Variants in CCDC91 observed in about 807,000 individuals in gnomAD.
CCDC91 encodes the protein coiled-coil domain containing 91.
In CCDC91, 48 loss-of-function variants were observed where a neutral mutation model predicts 63.2. The ratio of observed to expected loss-of-function variants is 0.76; its 90% confidence interval spans 0.60 to 0.97. The LOEUF (loss-of-function observed/expected upper bound fraction) is 0.97, where lower values mean the gene tolerates loss of function less well. Among genes scored for constraint, CCDC91 ranks in the 50% least tolerant of loss-of-function variants. The pLI is 0.00. For synonymous variants in CCDC91, 167 were observed against 165.8 expected (o/e 1.01, Z -0.06); for missense variants, 500 against 494.6 (o/e 1.01, Z -0.10).
chr12:28,204,118 A>G (rs73261702), intron 1 of CCDC91, among the ~76,000 whole-genome samples: 39,690 of 152,002 alleles, frequency 0.26, 5,451 homozygotes, highest in Non-Finnish European at 0.31. Context: ...TTATCAAGCT[A>G]TGGTACCTGG....
chr12:28,300,800 A>C (rs1003664942), intron 3 of CCDC91, among the ~76,000 whole-genome samples: 1 of 151,456 alleles, frequency 6.6e-6, no homozygotes, highest in Non-Finnish European at 1.5e-5. Flanking sequence ...GAGTGTTTTA[A>C]AGTTTTCCTC....
intron 1 of CCDC91, among the ~76,000 whole-genome samples, chr12:28,195,130 A>G (rs1194004637): frequency 4.6e-5 from 4 of 86,714 alleles, no homozygotes; most frequent in South Asian, 3.0e-4. Context: ...TGATTGGTCC[A>G]TTTTACAGAG....
chr12:28,353,662 C>G (rs1442423525), intron 6 of CCDC91, among the ~76,000 whole-genome samples: 2 of 152,142 alleles, frequency 1.3e-5, no homozygotes, highest in South Asian at 2.1e-4. Context: ...GAAACACATA[C>G]AACATTTATT....
chr12:28,261,185 T>C (rs913307003), intron 3 of CCDC91, among the ~76,000 whole-genome samples: 5 of 151,932 alleles, frequency 3.3e-5, no homozygotes, highest in African/African-American at 9.7e-5. Context: ...ATTTGAGACT[T>C]GGATTTGGAC....
Position 28,482,093 on chromosome 12 carries a change from T to G in CCDC91, c.1102-1959T>G, listed in dbSNP as rs536975615. On this transcript the variant is annotated intron_variant, in intron 11 of 12. Transcript: ENST00000536442. The stretch of plus-strand genomic sequence containing the variant: ...CTGACTTGAACTAATGTGAAGCTAT[T>G]TATACTTTTAATTGACTCATATAAT... 1.7e-4 allele frequency among the ~76,000 whole-genome samples: 26 copies of G among 152,116 alleles called. No individual in the cohort carries two copies. In the South Asian group the frequency reaches 2.5e-3, roughly 15 times the overall value.
chr12:28,528,187 C>T (rs1941437717), intron 12 of CCDC91, among the ~76,000 whole-genome samples: 1 of 152,000 alleles, frequency 6.6e-6, no homozygotes, highest in African/African-American at 2.4e-5. Context: ...GGTTTTTTTC[C>T]CAGTGCCTCT....
At chr12:28,387,418 G>A (rs1267293742) in intron 7 of CCDC91, among the ~76,000 whole-genome samples, 1 of 152,134 alleles carries the variant, frequency 6.6e-6, no homozygotes, top group East Asian at 1.9e-4. Context: ...GGATTTTGGG[G>A]AAACAAGTGG....
At chr12:28,207,572 T>TTGAAAA (rs1942945160) in intron 1 of CCDC91, among the ~76,000 whole-genome samples, 1 of 152,182 alleles carries the variant, frequency 6.6e-6, no homozygotes, top group Non-Finnish European at 1.5e-5. Context: ...AAAACATGCA[T>TTGAAAA]TGAAAATGAC....
intron 1 of CCDC91, among the ~76,000 whole-genome samples, chr12:28,213,227 T>C (rs755125845): frequency 1.8e-4 from 28 of 152,198 alleles, no homozygotes; most frequent in Admixed American, 5.9e-4. Context: ...CCTGAGGAAG[T>C]TGGCATGCAA....
intron 6 of CCDC91, among the ~76,000 whole-genome samples, chr12:28,361,204 A>T (rs1408646668): frequency 6.6e-6 from 1 of 151,364 alleles, no homozygotes; most frequent in Non-Finnish European, 1.5e-5. Context: ...ATTATACTTT[A>T]AGTTTTAGGG....
chr12:28,416,588 C>T (rs1947677331), intron 8 of CCDC91, among the ~76,000 whole-genome samples: 1 of 151,842 alleles, frequency 6.6e-6, no homozygotes, highest in South Asian at 2.1e-4. Flanking sequence ...CTAAACTGAC[C>T]TAACAGGAGG....
chr12:28,191,970 G>A (rs1941293657), intron 1 of CCDC91, among the ~76,000 whole-genome samples: 1 of 152,096 alleles, frequency 6.6e-6, no homozygotes, highest in Admixed American at 6.5e-5. Context: ...AACAGTATAA[G>A]CCCAATGGAA....
At chr12:28,264,585 C>CTCTGTGTG (rs1555169640) in intron 3 of CCDC91, among the ~76,000 whole-genome samples, 17 of 137,258 alleles carry the variant, frequency 1.2e-4, no homozygotes, top group African/African-American at 4.4e-4. Flanking sequence ...ATATGTCTGT[C>CTCTGTGTG]TGTGTGTGTG....
At chr12:28,340,973 C>G in intron 6 of CCDC91, among the ~76,000 whole-genome samples, 1 of 152,072 alleles carries the variant, frequency 6.6e-6, no homozygotes, top group Non-Finnish European at 1.5e-5. Context: ...ATGGGGTAGC[C>G]AGAAGGGAGA....
chr12:28,546,310 T>G (rs1337901898), intron 12 of CCDC91, among the ~76,000 whole-genome samples: 11 of 152,138 alleles, frequency 7.2e-5, no homozygotes, highest in Non-Finnish European at 1.6e-4. Flanking sequence ...CACTTCCTTC[T>G]TAAACTCAGT....
rs1193978381 is a variant in CCDC91 at position 28,438,161 on chromosome 12, A to C, written c.763-12000A>C. 3.3e-5 allele frequency among the ~76,000 whole-genome samples: 5 copies of C among 152,062 alleles called. No homozygotes were observed. The East Asian group carries it at 9.6e-4, about 29-fold the overall frequency. Reference sequence around the variant, plus strand: ...TCTTTCTTTTCTCTGCTGCTATGGTATGGATGTTTGTGTCTCCTCCAAAAT... The same window carrying C: ...TCTTTCTTTTCTCTGCTGCTATGGTCTGGATGTTTGTGTCTCCTCCAAAAT... On this transcript the variant is annotated intron_variant, in intron 8 of 12. Coordinates refer to ENST00000536442, the MANE Select transcript of CCDC91 (RefSeq NM_018318.5).
At chr12:28,454,463 C>G (rs1489375461) in intron 11 of CCDC91, among the ~76,000 whole-genome samples, 1 of 152,102 alleles carries the variant, frequency 6.6e-6, no homozygotes, top group African/African-American at 2.4e-5. Flanking sequence ...CTCCCAGGAG[C>G]CCCTGGAAAA....
intron 12 of CCDC91, among the ~76,000 whole-genome samples, chr12:28,516,782 C>G (rs1939995096): frequency 6.6e-6 from 1 of 151,776 alleles, no homozygotes; most frequent in Non-Finnish European, 1.5e-5. Flanking sequence ...TATAAGGAAC[C>G]CCCCTGACAT....
At chr12:28,272,565 G>T (rs1275255496) in intron 3 of CCDC91, among the ~76,000 whole-genome samples, 2 of 151,752 alleles carry the variant, frequency 1.3e-5, no homozygotes, top group Non-Finnish European at 2.9e-5. Flanking sequence ...ATGTAAATCT[G>T]TCCATTGAAT....
Sources: gnomAD v4.1 joint callset for allele counts (sites outside exome capture counted in the v4.1 genomes callset) on GRCh38, gnomAD v4.1.1 for gene constraint, MANE v1.5 for transcripts, NCBI Gene and HGNC (gene_info 2026-07-23, HGNC 2026-07-21) for gene names.